Variants in NCALD observed in about 807,000 individuals in gnomAD.
NCALD encodes the protein neurocalcin-delta.
NCALD carries 10 observed loss-of-function variants against 18.6 expected under a neutral mutation model. The ratio of observed to expected loss-of-function variants is 0.54; its 90% CI spans 0.33 to 0.91. The LOEUF (loss-of-function observed/expected upper bound fraction) is 0.91. NCALD is among the 40% of genes least tolerant of loss of function. NCALD has a pLI of 0.03. For synonymous variants in NCALD, 88 were observed against 87.4 expected, an observed-to-expected ratio of 1.01 and a Z score of -0.04; for missense variants, 184 against 247.6, an observed-to-expected ratio of 0.74 and a Z score of 1.72.
At chr8:101,756,394 C>T (rs1172610064) in intron 1 of NCALD, among the ~76,000 whole-genome samples, 2 of 152,092 alleles carry the variant, frequency 1.3e-5, no homozygotes, top group South Asian at 2.1e-4. Context: ...ATGGTCAGCA[C>T]GACCAGCTAG....
chr8:101,713,934 T>C (rs1168325273), intron 2 of NCALD, among the ~76,000 whole-genome samples: 1 of 152,080 alleles, frequency 6.6e-6, no homozygotes, highest in African/African-American at 2.4e-5. Flanking sequence ...TTCAATAAAA[T>C]TCAAAATCCC....
At chr8:101,923,801 C>A (rs1818248421) in intron 2 of NCALD, among the ~76,000 whole-genome samples, 1 of 151,948 alleles carries the variant, frequency 6.6e-6, no homozygotes, top group Non-Finnish European at 1.5e-5. Flanking sequence ...GACTAGCATC[C>A]CATTTTTTCC....
At chr8:101,942,160 C>A (rs934095475) in intron 2 of NCALD, among the ~76,000 whole-genome samples, 1 of 152,118 alleles carries the variant, frequency 6.6e-6, no homozygotes, top group Non-Finnish European at 1.5e-5. Flanking sequence ...ATAGGTGACA[C>A]CCATTCTCGG....
intron 3 of NCALD, among the ~76,000 whole-genome samples, chr8:101,901,503 G>A (rs1368481987): frequency 6.6e-6 from 1 of 151,696 alleles, no homozygotes; most frequent in Non-Finnish European, 1.5e-5. Flanking sequence ...TTTATCTATA[G>A]TGTTTTTAGG....
At chr8:101,946,363 C>G (rs1819171981) in intron 2 of NCALD, among the ~76,000 whole-genome samples, 1 of 152,104 alleles carries the variant, frequency 6.6e-6, no homozygotes, top group South Asian at 2.1e-4. Flanking sequence ...GCCAGAGAGA[C>G]AGGCAAGTAA....
chr8:101,788,063 A>C (rs1563770438), intron 1 of NCALD, among the ~76,000 whole-genome samples: 1 of 152,226 alleles, frequency 6.6e-6, no homozygotes. Flanking sequence ...AAAATAAAAG[A>C]AAGTTACAAT....
At chr8:101,766,161 T>G (rs1342763639) in intron 1 of NCALD, among the ~76,000 whole-genome samples, 1 of 152,222 alleles carries the variant, frequency 6.6e-6, no homozygotes, top group African/African-American at 2.4e-5. Context: ...AAAAGTGTCC[T>G]TTGAATTTTT....
intron 2 of NCALD, among the ~76,000 whole-genome samples, chr8:101,707,853 G>A (rs1815603021): frequency 6.6e-6 from 1 of 151,622 alleles, no homozygotes; most frequent in African/African-American, 2.4e-5. Context: ...GGACGACAGA[G>A]CAAAACTCCA....
chr8:102,090,004 AAAT>A lies in NCALD; in HGVS notation c.-210+34230_-210+34232del, dbSNP rs751202280. Reference sequence around the variant, plus strand: ...TCTTATCTTATGGTCAAACTGATTAAAATTGGATAGATTTGTCTATAAGGTTTT... The same window carrying A: ...TCTTATCTTATGGTCAAACTGATTAATGGATAGATTTGTCTATAAGGTTTT... On this transcript the variant is annotated intron_variant, in intron 1 of 6. Coordinates refer to the NCALD transcript ENST00000311028. Among the ~76,000 whole-genome samples, 7 of 152,150 alleles carry A rather than the reference AAAT, an allele frequency of 4.6e-5. No individual in the cohort carries two copies. The South Asian group carries it at 1.5e-3, about 32-fold the overall frequency.
At chr8:101,751,521 T>A (rs1394406035) in intron 1 of NCALD, among the ~76,000 whole-genome samples, 1 of 152,136 alleles carries the variant, frequency 6.6e-6, no homozygotes, top group African/African-American at 2.4e-5. Flanking sequence ...TTATGTTTAC[T>A]TCACCATGGA....
chr8:102,045,121 C>T (rs528064985), intron 1 of NCALD, among the ~76,000 whole-genome samples: 1 of 152,192 alleles, frequency 6.6e-6, no homozygotes. Flanking sequence ...GCCATGAGAC[C>T]AGGGGCCCAT....
At chr8:101,739,227 C>G (rs1810076746) in intron 1 of NCALD, among the ~76,000 whole-genome samples, 1 of 152,058 alleles carries the variant, frequency 6.6e-6, no homozygotes, top group Non-Finnish European at 1.5e-5. Context: ...TCCTCATTAC[C>G]TCCTTCAGGT....
intron 1 of NCALD, among the ~76,000 whole-genome samples, chr8:102,054,453 T>A (rs1048939176): frequency 5.9e-5 from 9 of 152,178 alleles, no homozygotes; most frequent in Middle Eastern, 3.4e-3. Context: ...TATATAAAAA[T>A]AAATGACTAA....
chr8:101,828,238 C>T (rs1385162533), intron 4 of NCALD, among the ~76,000 whole-genome samples: 1 of 152,126 alleles, frequency 6.6e-6, no homozygotes, highest in Non-Finnish European at 1.5e-5. Flanking sequence ...TGGAAGGAAC[C>T]CTCCAGGGAC....
chr8:101,786,432 T>A (rs1053943085), intron 1 of NCALD, among the ~76,000 whole-genome samples: 2 of 152,150 alleles, frequency 1.3e-5, no homozygotes, highest in African/African-American at 4.8e-5. Flanking sequence ...TGATCCATGA[T>A]AAGATGTGGG....
chr8:102,116,352 C>G (rs555091774), intron 1 of NCALD, among the ~76,000 whole-genome samples: 8 of 152,118 alleles, frequency 5.3e-5, no homozygotes, highest in African/African-American at 1.9e-4. Context: ...CTAGGGGCAC[C>G]GTAACAGAGT....
upstream of NCALD, among the ~76,000 whole-genome samples, chr8:101,791,549 G>A (rs1263328799): frequency 6.6e-6 from 1 of 152,150 alleles, no homozygotes; most frequent in Non-Finnish European, 1.5e-5. Context: ...ACAGTGGCTT[G>A]GGTTCATGAC....
intron 4 of NCALD, among the ~76,000 whole-genome samples, chr8:101,869,645 C>T (rs1815923645): frequency 6.6e-6 from 1 of 152,152 alleles, no homozygotes; most frequent in African/African-American, 2.4e-5. Context: ...GTTCCATCTG[C>T]CTCTTGCCTC....
At chr8:102,057,083 A>G (rs1823677591) in intron 1 of NCALD, among the ~76,000 whole-genome samples, 1 of 152,140 alleles carries the variant, frequency 6.6e-6, no homozygotes, top group South Asian at 2.1e-4. Context: ...TGACCTGCAA[A>G]GCCTTTTGTA....
Sources: gnomAD v4.1 joint callset for allele counts (sites outside exome capture counted in the v4.1 genomes callset) on GRCh38, gnomAD v4.1.1 for gene constraint, MANE v1.5 for transcripts, NCBI Gene and HGNC (gene_info 2026-07-23, HGNC 2026-07-21) for gene names.